The following ERC2 variants were observed in gnomAD, a reference collection of about 807,000 sequenced individuals.
ERC2 encodes the protein ELKS/RAB6-interacting/CAST family member 2.
In ERC2, 42 loss-of-function variants were observed where a neutral mutation model predicts 114.8. That is an observed-to-expected ratio of 0.37 (90% CI 0.29 to 0.47). ERC2 has a LOEUF of 0.47. ERC2 is among the 20% of genes least tolerant of loss of function. The pLI, the probability that ERC2 is intolerant of heterozygous loss-of-function variation, is 0.99. For synonymous variants in ERC2, 454 were observed against 425.5 expected (o/e 1.07, Z -0.82); for missense variants, 939 against 1,150.7 (o/e 0.82, Z 2.66).
At chr3:55,545,880 G>A (rs1481640978) in intron 17 of ERC2, among the ~76,000 whole-genome samples, 2 of 152,214 alleles carry the variant, frequency 1.3e-5, no homozygotes, top group Non-Finnish European at 2.9e-5. Flanking sequence ...AACCCAAGGG[G>A]CGGGGGAACT....
chr3:56,467,658 G>A lies in ERC2; in HGVS notation c.-141+590C>T, dbSNP rs1464533058. Among the ~76,000 whole-genome samples the A allele has an allele frequency of 4.0e-5, 6 of 151,872 alleles. No homozygotes were observed. In the East Asian group the frequency reaches 1.2e-3, roughly 30 times the overall value. ...ATGCCGTTCAGTTCAATTTCACATCGTATTCCTTTTCATACACCATCCCCT... is the reference window on the plus strand; with the variant it reads ...ATGCCGTTCAGTTCAATTTCACATCATATTCCTTTTCATACACCATCCCCT... On this transcript the variant is annotated intron_variant, in intron 1 of 17. Coordinates refer to ENST00000288221, the MANE Select transcript of ERC2 (RefSeq NM_015576.3).
intron 14 of ERC2, among the ~76,000 whole-genome samples, chr3:55,762,713 C>A (rs1218197325): frequency 2.0e-5 from 3 of 152,046 alleles, no homozygotes; most frequent in Non-Finnish European, 4.4e-5. Flanking sequence ...AGATGGGTAA[C>A]CTGTATCACA....
intron 12 of ERC2, among the ~76,000 whole-genome samples, chr3:55,961,613 C>T (rs891521025): frequency 6.6e-6 from 1 of 152,086 alleles, no homozygotes; most frequent in Non-Finnish European, 1.5e-5. Flanking sequence ...CTGCTGGTGA[C>T]AATTTAATTT....
At chr3:56,317,480 A>G (rs1052110570) in intron 2 of ERC2, among the ~76,000 whole-genome samples, 1 of 152,192 alleles carries the variant, frequency 6.6e-6, no homozygotes, top group Non-Finnish European at 1.5e-5. Flanking sequence ...TTAGCACCAC[A>G]TGTTGCAAAC....
intron 6 of ERC2, among the ~76,000 whole-genome samples, chr3:56,097,689 G>GTGGA (rs1394736576): frequency 1.3e-5 from 2 of 152,180 alleles, no homozygotes; most frequent in African/African-American, 2.4e-5. Flanking sequence ...AGATGAAGAG[G>GTGGA]TGGAACTCAC....
intron 13 of ERC2, among the ~76,000 whole-genome samples, chr3:55,892,418 G>A (rs1034468204): frequency 2.0e-5 from 3 of 152,146 alleles, no homozygotes; most frequent in African/African-American, 7.2e-5. Flanking sequence ...GCTACCCTGG[G>A]GGGCTGAGGC....
intron 17 of ERC2, among the ~76,000 whole-genome samples, chr3:55,601,141 G>T (rs1032132129): frequency 2.0e-5 from 3 of 152,212 alleles, no homozygotes; most frequent in Non-Finnish European, 4.4e-5. Flanking sequence ...AAAGGAGATT[G>T]CTGGGGCAAT....
At chr3:55,879,488 T>C (rs746920855) in intron 14 of ERC2, among the ~76,000 whole-genome samples, 1 of 152,112 alleles carries the variant, frequency 6.6e-6, no homozygotes, top group African/African-American at 2.4e-5. Flanking sequence ...ATACCCCTTA[T>C]AGGTCAGCTA....
chr3:55,670,397 G>A (rs2061511514), intron 17 of ERC2, among the ~76,000 whole-genome samples: 1 of 152,202 alleles, frequency 6.6e-6, no homozygotes, highest in Non-Finnish European at 1.5e-5. Context: ...GCCCTTGTTG[G>A]CTGTCTTCAC....
intron 7 of ERC2, among the ~76,000 whole-genome samples, chr3:56,057,189 A>T (rs977067665): frequency 6.6e-6 from 1 of 152,308 alleles, no homozygotes; most frequent in South Asian, 2.1e-4. Flanking sequence ...TATACAAGCA[A>T]GATTTACCAT....
intron 14 of ERC2, among the ~76,000 whole-genome samples, chr3:55,844,446 G>T (rs1205652675): frequency 5.3e-5 from 8 of 152,202 alleles, no homozygotes; most frequent in African/African-American, 1.7e-4. Context: ...AGAAGGGAAA[G>T]AATGTTTGCT....
intron 13 of ERC2, among the ~76,000 whole-genome samples, chr3:55,929,314 C>G (rs563565859): frequency 2.1e-4 from 32 of 152,134 alleles, no homozygotes; most frequent in Non-Finnish European, 4.6e-4. Flanking sequence ...GAAGAGACTC[C>G]CTCACAATGG....
chr3:56,083,203 G>A (rs1430954265), intron 6 of ERC2, among the ~76,000 whole-genome samples: 1 of 152,116 alleles, frequency 6.6e-6, no homozygotes, highest in East Asian at 1.9e-4. Flanking sequence ...GTTTTTATAT[G>A]GAATATTATC....
intron 7 of ERC2, among the ~76,000 whole-genome samples, chr3:56,021,713 T>A (rs1263293033): frequency 6.6e-6 from 1 of 152,144 alleles, no homozygotes; most frequent in Non-Finnish European, 1.5e-5. Flanking sequence ...TCTGCTCCTC[T>A]CCCTCCTCCC....
intron 3 of ERC2, among the ~76,000 whole-genome samples, chr3:56,241,357 C>G (rs1350166737): frequency 6.6e-6 from 1 of 152,020 alleles, no homozygotes; most frequent in Non-Finnish European, 1.5e-5. Context: ...TCATCTCACA[C>G]CAGTCAGAAT....
intron 2 of ERC2, among the ~76,000 whole-genome samples, chr3:56,341,664 A>G (rs2058094181): frequency 6.6e-6 from 1 of 152,084 alleles, no homozygotes; most frequent in South Asian, 2.1e-4. Context: ...ATCACCAGAT[A>G]TCATCCCACT....
chr3:55,754,954 A>C (rs2066955105), intron 14 of ERC2, among the ~76,000 whole-genome samples: 1 of 152,182 alleles, frequency 6.6e-6, no homozygotes, highest in Admixed American at 6.5e-5. Context: ...TTAGTTAAAC[A>C]AAAGTGGAGG....
intron 2 of ERC2, among the ~76,000 whole-genome samples, chr3:56,391,785 G>A (rs1468390426): frequency 6.6e-6 from 1 of 152,024 alleles, no homozygotes; most frequent in Non-Finnish European, 1.5e-5. Context: ...TCTCTTGGGG[G>A]GAGAAAAATG....
At chr3:56,324,563 T>C (rs576117558) in intron 2 of ERC2, among the ~76,000 whole-genome samples, 4 of 152,314 alleles carry the variant, frequency 2.6e-5, no homozygotes, top group Admixed American at 2.0e-4. Context: ...TCATGAGTTA[T>C]GGACCCACTG....
Sources: allele counts gnomAD v4.1 joint callset (sites outside exome capture counted in the v4.1 genomes callset), GRCh38; gene constraint gnomAD v4.1.1; transcripts MANE v1.5; gene names NCBI Gene and HGNC (gene_info 2026-07-23, HGNC 2026-07-21).